The following RALY variants were observed in gnomAD, a reference collection of about 807,000 sequenced individuals.
The protein encoded by RALY is RALY heterogeneous nuclear ribonucleoprotein.
A neutral mutation model predicts 30.7 loss-of-function variants in RALY; 15 were observed. That is an observed-to-expected ratio of 0.49 (90% CI 0.33 to 0.75). RALY has a LOEUF of 0.75. Among genes scored for constraint, RALY ranks in the 30% least tolerant of loss-of-function variants. RALY has a pLI of 0.02. For synonymous variants in RALY, 177 were observed against 170.8 expected (o/e 1.04, Z -0.28); for missense variants, 339 against 414.3 (o/e 0.82, Z 1.58).
intron 3 of RALY, among the ~76,000 whole-genome samples, chr20:34,072,826 G>A (rs1349948029): frequency 6.6e-6 from 1 of 152,188 alleles, no homozygotes; most frequent in African/African-American, 2.4e-5. Flanking sequence ...ATATGTGTAT[G>A]TTTGAAAAGG....
chr20:34,073,616 G>T lies in RALY; in HGVS notation c.310G>T (p.Ala104Ser). Residue 104 changes from alanine to serine, a missense_variant, in exon 4 of 10, where the codon GCA becomes TCA. Ala to Ser is a moderately conservative substitution (Grantham distance 99, BLOSUM62 1). Coordinates refer to ENST00000246194, the MANE Select transcript of RALY (RefSeq NM_016732.3). ...KPDRPKGLKR[A>S]ASAIYSGYIF... ...TGACAGACCCAAGGGGCTAAAGAGA[G>T]CAGCATCTGCCATATACAGGTGGGG... The T allele has an allele frequency of 1.2e-6, 2 of 1,602,026 alleles. No homozygotes were observed. The highest frequency in any genetic ancestry group is 1.7e-6 in the Non-Finnish European group (2 of 1,168,932).
At chr20:34,043,106 A>G (rs1046345645) in intron 2 of RALY, among the ~76,000 whole-genome samples, 3 of 152,264 alleles carry the variant, frequency 2.0e-5, no homozygotes, top group Admixed American at 2.0e-4. Flanking sequence ...GTCAGCAGCC[A>G]TCAACAAGAT....
In RALY at chr20:34,083,432, G is replaced by C. The variant is rs1184029441; in HGVS notation, c.*3527G>C. ...AAGAGAAGACAAGCCCAGTATGCGAGTGCTCTTGAGGATATTGCTATGACG... is the reference window on the plus strand; with the variant it reads ...AAGAGAAGACAAGCCCAGTATGCGACTGCTCTTGAGGATATTGCTATGACG... On this transcript the variant is annotated 3_prime_UTR_variant, in exon 10 of 10. Transcript: ENST00000246194. 6.6e-6 allele frequency: 1 copy of C among 152,232 alleles called. No individual in the cohort carries two copies. The highest frequency in any genetic ancestry group is 1.5e-5 in the Non-Finnish European group (1 of 68,046). The allele number at this position is 152,232 out of a possible 1,614,324, so 9.4% of individuals were successfully genotyped here.
In RALY at chr20:34,068,934, A is replaced by C. The variant is rs150887597; in HGVS notation, c.-9-3132A>C. Among the ~76,000 whole-genome samples, 1,045 of 152,306 alleles carry C rather than the reference A, an allele frequency of 6.9e-3. 12 individuals carry two copies. The highest frequency in any genetic ancestry group is 0.023 in the African/African-American group (944 of 41,574). On this transcript the variant is annotated intron_variant, in intron 2 of 9. Coordinates refer to ENST00000246194, the MANE Select transcript of RALY (RefSeq NM_016732.3). ...CACTTTCCAAAGGAGTGTACAGGGCATGAAAGTGGATAGGGGGCTGTTTAG... is the reference window on the plus strand; with the variant it reads ...CACTTTCCAAAGGAGTGTACAGGGCCTGAAAGTGGATAGGGGGCTGTTTAG...
intron 1 of RALY, among the ~76,000 whole-genome samples, chr20:34,026,319 C>T (rs1168355964): frequency 6.6e-6 from 1 of 152,034 alleles, no homozygotes; most frequent in Admixed American, 6.5e-5. Flanking sequence ...AATAAAAGTC[C>T]TTGGTTCTGG....
At chr20:34,032,868 C>A (rs1053021118) in intron 2 of RALY, among the ~76,000 whole-genome samples, 7 of 152,034 alleles carry the variant, frequency 4.6e-5, no homozygotes, top group Admixed American at 4.6e-4. Context: ...AGAAGGCCTA[C>A]TTACTTAGGG....
chr20:34,011,362 A>G (rs1231596515), intron 1 of RALY, among the ~76,000 whole-genome samples: 1 of 152,188 alleles, frequency 6.6e-6, no homozygotes, highest in Non-Finnish European at 1.5e-5. Flanking sequence ...ATTTTTTTAA[A>G]AGTGAGATCT....
At chr20:34,024,295 GA>G (rs2031937446) in intron 1 of RALY, among the ~76,000 whole-genome samples, 1 of 152,190 alleles carries the variant, frequency 6.6e-6, no homozygotes, top group African/African-American at 2.4e-5. Context: ...TCCAGCTCAA[GA>G]GGGGGAAGGG....
chr20:34,078,357 A>T, intron 8 of RALY, 148 bp from the exon 9 acceptor site: 2 of 608,558 alleles, frequency 3.3e-6, no homozygotes, highest in Non-Finnish European at 5.0e-6. Flanking sequence ...CTGGTCCCAT[A>T]GTCATTCCCC....
chr20:34,058,517 A>G (rs1309212957), intron 2 of RALY, among the ~76,000 whole-genome samples: 1 of 152,002 alleles, frequency 6.6e-6, no homozygotes, highest in East Asian at 1.9e-4. Context: ...CTCAATGACT[A>G]ATCCAAGAAA....
At chr20:34,048,857 A>AAAAAAAC (rs1414257187) in intron 2 of RALY, among the ~76,000 whole-genome samples, 1 of 151,712 alleles carries the variant, frequency 6.6e-6, no homozygotes, top group East Asian at 1.9e-4. Context: ...CCGTCTCAAA[A>AAAAAAAC]AAAAAAAAAA....
intron 2 of RALY, among the ~76,000 whole-genome samples, chr20:34,046,499 A>G (rs2032883370): frequency 6.6e-6 from 1 of 152,190 alleles, no homozygotes; most frequent in African/African-American, 2.4e-5. Flanking sequence ...CTCCTCCTCA[A>G]AGGTGCCTTC....
chr20:34,023,203 G>T (rs959778902), intron 1 of RALY, among the ~76,000 whole-genome samples: 8 of 152,208 alleles, frequency 5.3e-5, no homozygotes, highest in Non-Finnish European at 1.2e-4. Flanking sequence ...ACTATTCTGA[G>T]GTAGGTGATT....
At chr20:33,996,218 T>TGA (rs1171522879) in intron 1 of RALY, among the ~76,000 whole-genome samples, 3 of 152,188 alleles carry the variant, frequency 2.0e-5, no homozygotes, top group Non-Finnish European at 4.4e-5. Flanking sequence ...GAGTAAGTAG[T>TGA]GAGGACAAGA....
At chr20:34,003,218 G>T (rs2030998032) in intron 1 of RALY, among the ~76,000 whole-genome samples, 1 of 152,136 alleles carries the variant, frequency 6.6e-6, no homozygotes, top group African/African-American at 2.4e-5. Flanking sequence ...CATGTAAACT[G>T]GAGATGTCAT....
At chr20:34,076,093 A>G in intron 6 of RALY, 53 bp downstream of exon 6, 1 of 1,563,488 alleles carries the variant, frequency 6.4e-7, no homozygotes. Flanking sequence ...CATTAGCAAA[A>G]TAATAGAATC....
rs144834970 is a variant in RALY, at chr20:34,075,835, CA to C, written c.378-37del. ...AGCTGCAATACCGCCCTGGTGGCCACAAGCCATGCTGCAGCCTCTGGCCCAT... is the reference window on the plus strand; with the variant it reads ...AGCTGCAATACCGCCCTGGTGGCCACAGCCATGCTGCAGCCTCTGGCCCAT... On this transcript the variant is annotated intron_variant, in intron 5 of 9. Coordinates refer to ENST00000246194, the MANE Select transcript of RALY (RefSeq NM_016732.3). 10 of 1,586,578 alleles carry C rather than the reference CA, an allele frequency of 6.3e-6. No homozygotes were observed. The African/African-American group carries it at 1.3e-4, about 21-fold the overall frequency.
At chr20:34,070,963 G>C (rs1228944604) in intron 2 of RALY, among the ~76,000 whole-genome samples, 2 of 152,156 alleles carry the variant, frequency 1.3e-5, no homozygotes, top group African/African-American at 4.8e-5. Context: ...GGAAGGCGAC[G>C]GGGAAGTAGA....
At chr20:34,057,001 G>C (rs558894595) in intron 2 of RALY, among the ~76,000 whole-genome samples, 3 of 152,050 alleles carry the variant, frequency 2.0e-5, no homozygotes, top group Non-Finnish European at 4.4e-5. Context: ...TGAGAAATTG[G>C]AAAAAGCCTA....
Sources: allele counts gnomAD v4.1 joint callset (sites outside exome capture counted in the v4.1 genomes callset), GRCh38; gene constraint gnomAD v4.1.1; transcripts MANE v1.5; gene names NCBI Gene and HGNC (gene_info 2026-07-23, HGNC 2026-07-21).